The following AOPEP variants were observed in gnomAD, a reference collection of about 807,000 sequenced individuals.
AOPEP encodes aminopeptidase O (putative).
A neutral mutation model predicts 98.1 loss-of-function variants in AOPEP; 77 were observed. The observed-to-expected ratio is 0.78, with a 90% CI of 0.65 to 0.95. The LOEUF is 0.95. Among genes scored for constraint, AOPEP ranks in the 40% least tolerant of loss-of-function variants. The probability of loss-of-function intolerance (pLI) is 0.00; values close to 1 mark genes in which losing one functional copy is unlikely to be tolerated. For synonymous variants in AOPEP, 346 were observed against 365.3 expected (o/e 0.95, Z 0.60); for missense variants, 1,024 against 1,024.7 (o/e 1.00, Z 0.01).
At chr9:94,823,275 C>T (rs575444106) in intron 5 of AOPEP, among the ~76,000 whole-genome samples, 3 of 152,282 alleles carry the variant, frequency 2.0e-5, no homozygotes, top group South Asian at 2.1e-4. Flanking sequence ...GGATTACAGG[C>T]GTGAGCCACC....
chr9:94,960,003 G>T (rs999295755), intron 9 of AOPEP, among the ~76,000 whole-genome samples: 2 of 152,240 alleles, frequency 1.3e-5, no homozygotes, highest in South Asian at 4.1e-4. Flanking sequence ...TTTTCTAAAA[G>T]AATTTTTTAT....
At chr9:95,125,574 A>G in the AOPEP span, among the ~76,000 whole-genome samples, 1 of 152,248 alleles carries the variant, frequency 6.6e-6, no homozygotes, top group Non-Finnish European at 1.5e-5. Flanking sequence ...CCAGCAAAGT[A>G]GGAAAATAAT....
chr9:94,933,490 A>G (rs1588962595), intron 7 of AOPEP: 2 of 985,418 alleles, frequency 2.0e-6, no homozygotes, highest in Non-Finnish European at 2.4e-6. Flanking sequence ...GCAGGAGTCT[A>G]TGGAACTCTT....
intron 15 of AOPEP, among the ~76,000 whole-genome samples, chr9:95,082,329 C>T (rs539530555): frequency 7.2e-5 from 11 of 152,194 alleles, no homozygotes; most frequent in South Asian, 2.1e-4. Flanking sequence ...CCAGTGAAAT[C>T]GTCAGAGTCT....
At chr9:94,839,056 G>A (rs375990379) in intron 5 of AOPEP, among the ~76,000 whole-genome samples, 15 of 148,040 alleles carry the variant, frequency 1.0e-4, no homozygotes, top group East Asian at 9.9e-4. Context: ...GACTACAGGC[G>A]TGCGCCACCA....
intron 5 of AOPEP, among the ~76,000 whole-genome samples, chr9:94,856,808 A>T (rs10993372): frequency 0.32 from 49,039 of 152,124 alleles, 8,832 homozygotes; most frequent in Non-Finnish European, 0.42. Flanking sequence ...GTAGCTTGTC[A>T]TTCATTATTT....
the AOPEP span, among the ~76,000 whole-genome samples, chr9:95,127,776 G>A: frequency 6.6e-6 from 1 of 152,220 alleles, no homozygotes; most frequent in Non-Finnish European, 1.5e-5. Context: ...GCAGGACCGC[G>A]CCTCCTCGCG....
At chr9:95,027,920 C>T (rs1242490967) in intron 13 of AOPEP, among the ~76,000 whole-genome samples, 1 of 152,212 alleles carries the variant, frequency 6.6e-6, no homozygotes, top group African/African-American at 2.4e-5. Flanking sequence ...TCAGTCATGA[C>T]AGAGCATTCC....
At chr9:94,734,321 A>T (rs1412515237) in intron 1 of AOPEP, among the ~76,000 whole-genome samples, 1 of 152,200 alleles carries the variant, frequency 6.6e-6, no homozygotes, top group Non-Finnish European at 1.5e-5. Flanking sequence ...ATAATGTCCT[A>T]CAGAGAAGGA....
chr9:94,849,205 T>G (rs754576853), intron 5 of AOPEP, among the ~76,000 whole-genome samples: 7 of 152,234 alleles, frequency 4.6e-5, no homozygotes, highest in Non-Finnish European at 8.8e-5. Flanking sequence ...TTGTTTAACA[T>G]GAAATTCTGG....
chr9:95,010,858 AC>A (rs1270864888), intron 13 of AOPEP, among the ~76,000 whole-genome samples: 1 of 152,122 alleles, frequency 6.6e-6, no homozygotes, highest in African/African-American at 2.4e-5. Context: ...TTACAAAGAA[AC>A]CAAACAAAAG....
chr9:94,739,637 T>G (rs1832608969), intron 1 of AOPEP, among the ~76,000 whole-genome samples: 1 of 148,724 alleles, frequency 6.7e-6, no homozygotes, highest in Admixed American at 6.7e-5. Flanking sequence ...AGAGCGAAAC[T>G]TCGTCTCAAA....
At chr9:94,946,599 G>T (rs111362827) in intron 7 of AOPEP, among the ~76,000 whole-genome samples, 1 of 152,148 alleles carries the variant, frequency 6.6e-6, no homozygotes, top group Non-Finnish European at 1.5e-5. Flanking sequence ...TAACATCTGC[G>T]CAGTCCTCTT....
chr9:94,867,445 C>T lies in AOPEP; in HGVS notation c.1365-56541C>T, dbSNP rs181309887. 3.5e-3 allele frequency among the ~76,000 whole-genome samples: 528 copies of T among 152,280 alleles called. 1 individual carries two copies. The highest frequency in any genetic ancestry group is 7.5e-3 in the Admixed American group (115 of 15,302). ...CTTCAGTGTCAGCCTCAGCAGTCCACGTATAAGTCTGCCTGTTCCACACGA... is the reference window on the plus strand; with the variant it reads ...CTTCAGTGTCAGCCTCAGCAGTCCATGTATAAGTCTGCCTGTTCCACACGA... On this transcript the variant is annotated intron_variant, in intron 5 of 16. Coordinates refer to ENST00000375315, the MANE Select transcript of AOPEP (RefSeq NM_001193329.3).
At chr9:94,771,041 C>T (rs574230469) in intron 2 of AOPEP, among the ~76,000 whole-genome samples, 4 of 152,236 alleles carry the variant, frequency 2.6e-5, no homozygotes, top group Middle Eastern at 3.4e-3. Context: ...ATCTCAAATC[C>T]GATTGTTTCT....
rs542949787 is a variant in AOPEP, at chr9:94,848,221, G to A, written c.1364+47219G>A. On this transcript the variant is annotated intron_variant, in intron 5 of 16. Coordinates refer to ENST00000375315, the MANE Select transcript of AOPEP (RefSeq NM_001193329.3). ...CCATCCCAGCACTTTGGGAGGCCAAGGCGGGCGGGTCACAAGGTCAGGAGG... is the reference window on the plus strand; with the variant it reads ...CCATCCCAGCACTTTGGGAGGCCAAAGCGGGCGGGTCACAAGGTCAGGAGG... 2.6e-5 allele frequency among the ~76,000 whole-genome samples: 4 copies of A among 152,200 alleles called. No individual in the cohort carries two copies. The East Asian group carries it at 7.7e-4, about 29-fold the overall frequency.
chr9:95,095,860 G>A, the AOPEP span, among the ~76,000 whole-genome samples: 1 of 152,210 alleles, frequency 6.6e-6, no homozygotes, highest in African/African-American at 2.4e-5. Context: ...TGGGCCGGGA[G>A]GGAGTGGCCG....
chr9:95,136,640 C>T, the AOPEP span, among the ~76,000 whole-genome samples: 4 of 152,156 alleles, frequency 2.6e-5, no homozygotes, highest in Admixed American at 1.3e-4. Flanking sequence ...GTGCACGTCA[C>T]CACATCTGGC....
intron 11 of AOPEP, among the ~76,000 whole-genome samples, chr9:95,004,748 G>A (rs1253772204): frequency 6.9e-6 from 1 of 145,016 alleles, no homozygotes; most frequent in Non-Finnish European, 1.5e-5. Context: ...GGCGCGGGGC[G>A]GCCGGAGCCC....
Sources: allele counts gnomAD v4.1 joint callset (sites outside exome capture counted in the v4.1 genomes callset), GRCh38; gene constraint gnomAD v4.1.1; transcripts MANE v1.5; gene names NCBI Gene and HGNC (gene_info 2026-07-23, HGNC 2026-07-21).